Variants in DROSHA observed in about 807,000 individuals in gnomAD.
The protein encoded by DROSHA is ribonuclease 3.
A neutral mutation model predicts 181.9 loss-of-function variants in DROSHA; 56 were observed. The observed-to-expected ratio is 0.31, with a 90% CI of 0.25 to 0.38. DROSHA has a LOEUF of 0.38. Ranked by LOEUF, DROSHA falls within the 10% of genes least tolerant of loss-of-function variation. DROSHA has a pLI of 1.00. For missense variants in DROSHA, 1,218 were observed against 1,743.5 expected (o/e 0.70, Z 5.37); for synonymous variants, 524 against 591.2 (o/e 0.89, Z 1.65).
At chr5:31,495,192 G>A in intron 12 of DROSHA, 94 bp downstream of exon 12, 1 of 1,329,914 alleles carries the variant, frequency 7.5e-7, no homozygotes, top group Non-Finnish European at 1.0e-6. Flanking sequence ...TTCAAAGTAA[G>A]AACATTTGAG....
chr5:31,428,666 A>G (rs1561143802), intron 27 of DROSHA, among the ~76,000 whole-genome samples: 1 of 152,216 alleles, frequency 6.6e-6, no homozygotes, highest in Non-Finnish European at 1.5e-5. Flanking sequence ...TACCCAAAGT[A>G]ATACAGTAAT....
intron 35 of DROSHA, among the ~76,000 whole-genome samples, chr5:31,402,937 C>CA (rs1221238514): frequency 2.6e-5 from 4 of 152,210 alleles, no homozygotes; most frequent in African/African-American, 9.6e-5. Context: ...CGTGTGCCAC[C>CA]ACAACCGGCT....
intron 26 of DROSHA, among the ~76,000 whole-genome samples, chr5:31,430,685 A>G (rs1376340770): frequency 6.6e-6 from 1 of 152,218 alleles, no homozygotes; most frequent in Non-Finnish European, 1.5e-5. Flanking sequence ...GTACAGAGCA[A>G]AGTAATTCCA....
chr5:31,451,656 T>C lies in DROSHA; in HGVS notation c.2575-16A>G, dbSNP rs531325468. 6.4e-7 allele frequency: 1 copy of C among 1,551,546 alleles called. No homozygotes were observed. Among genetic ancestry groups the C allele is most frequent in the Non-Finnish European group, 8.8e-7 (1 of 1,135,222 alleles). ...TCATTGCATGCTAGGAAAAAAAAAATTCAATATGTTTAACTTTATAAAAAC... is the reference window on the plus strand; with the variant it reads ...TCATTGCATGCTAGGAAAAAAAAAACTCAATATGTTTAACTTTATAAAAAC... On this transcript the variant is annotated splice_polypyrimidine_tract_variant and intron_variant, in intron 20 of 35. Transcript: ENST00000344624.
At chr5:31,484,290 C>T (rs1463477571) in intron 15 of DROSHA, among the ~76,000 whole-genome samples, 2 of 142,688 alleles carry the variant, frequency 1.4e-5, no homozygotes, top group African/African-American at 2.6e-5. Flanking sequence ...AGGAGAATGG[C>T]GTGAACCCGG....
chr5:31,450,435 C>T (rs1207515471), intron 21 of DROSHA, among the ~76,000 whole-genome samples: 1 of 152,112 alleles, frequency 6.6e-6, no homozygotes, highest in Non-Finnish European at 1.5e-5. Flanking sequence ...AACCTAAGTG[C>T]CTATCAACGG....
At chr5:31,451,886 A>G (rs1283925093) in intron 20 of DROSHA, among the ~76,000 whole-genome samples, 1 of 152,162 alleles carries the variant, frequency 6.6e-6, no homozygotes, top group Non-Finnish European at 1.5e-5. Context: ...TCACTGTGTG[A>G]CCTGGGGCAA....
Position 31,529,423 on chromosome 5 carries a change from G to A in DROSHA, c.-46-318C>T, listed in dbSNP as rs146624700. On this transcript the variant is annotated intron_variant, in intron 3 of 35. Transcript: ENST00000344624. ...TTCCCCTCTCCCCCTTCATACTCTC[G>A]TTTCCTTCATGGTAAAAACAGGTAG... Among the ~76,000 whole-genome samples, 272 of 152,078 alleles carry A rather than the reference G, an allele frequency of 1.8e-3. 8 individuals carry two copies. In the East Asian group the frequency reaches 0.037, roughly 21 times the overall value.
At chr5:31,480,291 G>A (rs1179053365) in intron 16 of DROSHA, among the ~76,000 whole-genome samples, 1 of 149,896 alleles carries the variant, frequency 6.7e-6, no homozygotes, top group Non-Finnish European at 1.5e-5. Flanking sequence ...GTGAGAATGA[G>A]CCAACTACAG....
intron 23 of DROSHA, among the ~76,000 whole-genome samples, chr5:31,438,981 A>G (rs114899720): frequency 1.1e-3 from 162 of 152,240 alleles, no homozygotes; most frequent in African/African-American, 3.7e-3. Flanking sequence ...GCCATGCCCA[A>G]TGTTGCTTAG....
intron 11 of DROSHA, among the ~76,000 whole-genome samples, chr5:31,498,907 C>T (rs745938736): frequency 2.0e-5 from 3 of 151,840 alleles, no homozygotes; most frequent in Non-Finnish European, 4.4e-5. Flanking sequence ...AAGAAGTGTG[C>T]TGTGACAGCA....
At chr5:31,446,211 C>T (rs945684980) in intron 23 of DROSHA, among the ~76,000 whole-genome samples, 13 of 151,998 alleles carry the variant, frequency 8.6e-5, no homozygotes, top group Non-Finnish European at 1.6e-4. Flanking sequence ...CTTTGGGAGG[C>T]CAAGGCGGGC....
Position 31,429,564 on chromosome 5 carries a change from A to C in DROSHA, c.3146-19T>G. 6.2e-7 allele frequency: 1 copy of C among 1,605,042 alleles called. No individual in the cohort carries two copies. ...ACAGCTCCTAGATGAAAAACAGAGA[A>C]TGCCAAAAGAGAGTCTCCATCAACA... On this transcript the variant is annotated intron_variant, in intron 26 of 35. Coordinates refer to ENST00000344624, the MANE Select transcript of DROSHA (RefSeq NM_001382508.1).
At chr5:31,453,840 A>G (rs924074708) in intron 20 of DROSHA, among the ~76,000 whole-genome samples, 4 of 152,038 alleles carry the variant, frequency 2.6e-5, no homozygotes, top group Admixed American at 1.3e-4. Context: ...TAAATTTCTA[A>G]CTCAGTTTTT....
chr5:31,530,942 T>A lies in DROSHA; in HGVS notation c.-173-18A>T, dbSNP rs1211175910. 1 of 398,268 alleles carries A rather than the reference T, an allele frequency of 2.5e-6. No individual in the cohort carries two copies. The highest frequency in any genetic ancestry group is 4.4e-6 in the Non-Finnish European group (1 of 225,974). The allele number at this position is 398,268 out of a possible 1,614,324, so 24.7% of individuals were successfully genotyped here. A position where few individuals can be genotyped will look rare whatever the true frequency, so the allele number is the denominator to read the frequency against. On this transcript the variant is annotated intron_variant, in intron 2 of 35. Transcript: ENST00000344624. Reference sequence around the variant, plus strand: ...AAAGCAACCTACACACAGTAGGTGGTCAATAAATGTTTACTCTCTCACCAA... The same window carrying A: ...AAAGCAACCTACACACAGTAGGTGGACAATAAATGTTTACTCTCTCACCAA...
chr5:31,495,144 G>T (rs113329293), intron 12 of DROSHA, 142 bp downstream of exon 12: 12 of 906,572 alleles, frequency 1.3e-5, no homozygotes, highest in African/African-American at 1.0e-4. Context: ...ACGTCATCGT[G>T]AGAAAGGCCA....
rs763874923 is a variant in DROSHA, at chr5:31,449,274, G to A, written c.2821+7C>T. 87 of 1,613,662 alleles carry A rather than the reference G, an allele frequency of 5.4e-5. 4 individuals carry two copies. The East Asian group carries it at 1.9e-3, about 36-fold the overall frequency. Reference sequence around the variant, plus strand: ...GAGATTCACATCTTAAAATCATCCAGACATACCTTTCTTCCGCATGTGCAT... The same window carrying A: ...GAGATTCACATCTTAAAATCATCCAAACATACCTTTCTTCCGCATGTGCAT... On this transcript the variant is annotated splice_region_variant and intron_variant, in intron 22 of 35. Transcript: ENST00000344624.
chr5:31,474,455 T>C (rs1750132128), intron 16 of DROSHA, among the ~76,000 whole-genome samples: 2 of 152,064 alleles, frequency 1.3e-5, no homozygotes, highest in South Asian at 4.1e-4. Flanking sequence ...CTCAACCTCC[T>C]GGGCTCAGGC....
rs1238055232 is a variant in DROSHA, at chr5:31,514,166, T to C, written c.1290+822A>G. Among the ~76,000 whole-genome samples the C allele has an allele frequency of 6.6e-6, 1 of 152,100 alleles. No individual in the cohort carries two copies. Among genetic ancestry groups the C allele is most frequent in the African/African-American group, 2.4e-5 (1 of 41,420 alleles). ...CAACTTCGTAGGGTTGGTGCTCTTT[T>C]GGTCAAGGATACACTTCGAAGAGAC... is the stretch of plus-strand genomic sequence containing the variant. On this transcript the variant is annotated intron_variant, in intron 8 of 35. Transcript: ENST00000344624. This position sits in a 1 kb window ranked among gnomAD's most constrained non-coding sequence, Gnocchi z 4.4.
Sources: allele counts gnomAD v4.1 joint callset (sites outside exome capture counted in the v4.1 genomes callset), GRCh38; gene constraint gnomAD v4.1.1; non-coding constraint Gnocchi (gnomAD v3.1); transcripts MANE v1.5; gene names NCBI Gene and HGNC (gene_info 2026-07-23, HGNC 2026-07-21).